The following QKI variants were observed in gnomAD, a reference collection of about 807,000 sequenced individuals.
QKI encodes KH domain-containing RNA-binding protein QKI.
QKI carries 10 observed loss-of-function variants against 39.0 expected under a neutral mutation model. The ratio of observed to expected loss-of-function variants is 0.26; its 90% CI spans 0.16 to 0.43. QKI has a LOEUF of 0.43. QKI is among the 20% of genes least tolerant of loss of function. The pLI, the probability that QKI is intolerant of heterozygous loss-of-function variation, is 1.00. For missense variants in QKI, 218 were observed against 428.0 expected (o/e 0.51, Z 4.33); for synonymous variants, 204 against 155.4 (o/e 1.31, Z -2.33).
chr6:163,574,502 A>G lies in QKI; in HGVS notation c.*3792A>G, dbSNP rs912755186. On this transcript the variant is annotated 3_prime_UTR_variant, in exon 8 of 8. Coordinates refer to ENST00000361752, the MANE Select transcript of QKI (RefSeq NM_006775.3). ...GCACGTTACTGAGCTTTCCTCAGGT[A>G]TTTTTTTCTCTGTCACCTACTTTAC... The G allele has an allele frequency of 1.3e-5, 2 of 152,130 alleles. No homozygotes were observed. The highest frequency in any genetic ancestry group is 2.4e-5 in the African/African-American group (1 of 41,436). 9.4% of individuals were successfully genotyped at this position (152,130 alleles called of 1,614,324 possible).
At chr6:163,544,300 G>A (rs1296488504) in intron 4 of QKI, among the ~76,000 whole-genome samples, 7 of 151,952 alleles carry the variant, frequency 4.6e-5, no homozygotes, top group African/African-American at 1.7e-4. Flanking sequence ...ATGTGCGTAG[G>A]TTATATGCAA....
chr6:163,491,367 A>G (rs1359072062), intron 3 of QKI, among the ~76,000 whole-genome samples: 3 of 152,172 alleles, frequency 2.0e-5, no homozygotes, highest in Admixed American at 6.5e-5. Context: ...TTCCGGCCGC[A>G]CTGGTTTAAA....
intron 2 of QKI, among the ~76,000 whole-genome samples, chr6:163,456,145 C>T (rs894821444): frequency 1.3e-5 from 2 of 152,172 alleles, no homozygotes; most frequent in Non-Finnish European, 2.9e-5. Flanking sequence ...TGGCTGGCTG[C>T]TTCTTGTCAT....
intron 3 of QKI, among the ~76,000 whole-genome samples, chr6:163,497,798 T>G (rs1002739431): frequency 4.6e-5 from 7 of 152,068 alleles, no homozygotes; most frequent in Non-Finnish European, 1.0e-4. Context: ...TTGTAATTAC[T>G]AATAGCATCT....
intron 2 of QKI, among the ~76,000 whole-genome samples, chr6:163,465,127 G>A (rs560681385): frequency 2.5e-4 from 38 of 152,230 alleles, no homozygotes; most frequent in Admixed American, 9.8e-4. Context: ...TTGACAAAAT[G>A]TAACATCCTT....
At chr6:163,488,662 G>A (rs1777840640) in intron 3 of QKI, among the ~76,000 whole-genome samples, 1 of 152,032 alleles carries the variant, frequency 6.6e-6, no homozygotes, top group Non-Finnish European at 1.5e-5. Flanking sequence ...ACTATTTTGA[G>A]GGTATATCCA....
chr6:163,464,218 A>G (rs554010633), intron 2 of QKI, among the ~76,000 whole-genome samples: 2 of 152,144 alleles, frequency 1.3e-5, no homozygotes, highest in Non-Finnish European at 2.9e-5. Context: ...AGCCCATAGA[A>G]GAAACTATGT....
intron 2 of QKI, among the ~76,000 whole-genome samples, chr6:163,473,999 G>A (rs1273620525): frequency 6.6e-6 from 1 of 152,120 alleles, no homozygotes; most frequent in Non-Finnish European, 1.5e-5. Flanking sequence ...AACATTTGAA[G>A]TTGAAATTGA....
chr6:163,423,752 T>G (rs559559530), intron 1 of QKI, among the ~76,000 whole-genome samples: 1 of 152,262 alleles, frequency 6.6e-6, no homozygotes, highest in South Asian at 2.1e-4. Flanking sequence ...TTCAGCTCAT[T>G]CACTTCTTTG....
intron 3 of QKI, among the ~76,000 whole-genome samples, chr6:163,482,219 T>C (rs1395975618): frequency 6.6e-6 from 1 of 152,068 alleles, no homozygotes; most frequent in Non-Finnish European, 1.5e-5. Context: ...AATTCTGAGT[T>C]CTATTCTGTG....
intron 7 of QKI, chr6:163,567,893 A>G (rs1783463452): frequency 4.1e-6 from 4 of 985,488 alleles, no homozygotes; most frequent in Non-Finnish European, 4.8e-6. Context: ...TACCTTGAGT[A>G]CTGATGATAA....
At chr6:163,453,539 G>A (rs927686215) in intron 1 of QKI, among the ~76,000 whole-genome samples, 2 of 152,122 alleles carry the variant, frequency 1.3e-5, no homozygotes, top group African/African-American at 4.8e-5. Context: ...TGATGTAAAG[G>A]AGTTTAAATT....
At chr6:163,467,130 G>A (rs1025162082) in intron 2 of QKI, among the ~76,000 whole-genome samples, 2 of 151,698 alleles carry the variant, frequency 1.3e-5, no homozygotes, top group Non-Finnish European at 2.9e-5. Flanking sequence ...ATGTCCAAAA[G>A]GCTTATGAAA....
At chr6:163,534,631 A>T (rs1781080653) in intron 3 of QKI, among the ~76,000 whole-genome samples, 1 of 152,152 alleles carries the variant, frequency 6.6e-6, no homozygotes, top group African/African-American at 2.4e-5. Flanking sequence ...AGTGTTTTTC[A>T]TGGTAATGTA....
intron 3 of QKI, among the ~76,000 whole-genome samples, chr6:163,487,300 A>G (rs1354793517): frequency 6.6e-6 from 1 of 152,070 alleles, no homozygotes; most frequent in African/African-American, 2.4e-5. Context: ...TCAAGAGGGA[A>G]CTCTCTCATT....
chr6:163,464,477 GAA>G (rs1048991383), intron 2 of QKI, among the ~76,000 whole-genome samples: 1 of 150,250 alleles, frequency 6.7e-6, no homozygotes, highest in Non-Finnish European at 1.5e-5. Context: ...CTAACCAAGA[GAA>G]AAAAAAGTCA....
At chr6:163,434,735 A>G (rs568758111) in intron 1 of QKI, among the ~76,000 whole-genome samples, 4 of 152,134 alleles carry the variant, frequency 2.6e-5, no homozygotes, top group Admixed American at 2.0e-4. Context: ...TAAATAAGAT[A>G]AATGTTAATT....
chr6:163,415,535 G>C (rs971544492), intron 1 of QKI, among the ~76,000 whole-genome samples, 200 bp downstream of exon 1: 1 of 151,332 alleles, frequency 6.6e-6, no homozygotes, highest in African/African-American at 2.4e-5. Flanking sequence ...ACCCGCCGGT[G>C]CCGGACGCCC....
chr6:163,493,427 C>T (rs960791371), intron 3 of QKI, among the ~76,000 whole-genome samples: 2 of 152,118 alleles, frequency 1.3e-5, no homozygotes, highest in Non-Finnish European at 2.9e-5. Flanking sequence ...CCGTGCCCAG[C>T]CTACAATACT....
Sources: allele counts gnomAD v4.1 joint callset (sites outside exome capture counted in the v4.1 genomes callset), GRCh38; gene constraint gnomAD v4.1.1; transcripts MANE v1.5; gene names NCBI Gene and HGNC (gene_info 2026-07-23, HGNC 2026-07-21).